The following IPO7 variants were observed in gnomAD, a reference collection of about 807,000 sequenced individuals.
The protein encoded by IPO7 is importin 7.
IPO7 carries 13 observed loss-of-function variants against 136.4 expected under a neutral mutation model. The observed-to-expected ratio is 0.10, with a 90% CI of 0.06 to 0.15. The LOEUF (loss-of-function observed/expected upper bound fraction) is 0.15, where lower values mean the gene tolerates loss of function less well. IPO7 is among the 10% of genes least tolerant of loss of function. The probability of loss-of-function intolerance (pLI) is 1.00; values close to 1 mark genes in which losing one functional copy is unlikely to be tolerated. For missense variants in IPO7, 857 were observed against 1,240.6 expected, an observed-to-expected ratio of 0.69 and a Z score of 4.65; for synonymous variants, 403 against 404.4, an observed-to-expected ratio of 1.00 and a Z score of 0.04.
At chr11:9,420,758 T>C in intron 8 of IPO7, 60 bp downstream of exon 8, 3 of 1,135,718 alleles carry the variant, frequency 2.6e-6, no homozygotes, top group Non-Finnish European at 4.0e-6. Flanking sequence ...AATTTATATA[T>C]TGCTTATTCC....
At chr11:9,412,668 CAAAA>C (rs1450861463) in intron 4 of IPO7, among the ~76,000 whole-genome samples, 1 of 151,822 alleles carries the variant, frequency 6.6e-6, no homozygotes, top group African/African-American at 2.4e-5. Context: ...TCTCTACAGA[CAAAA>C]AAGAAAGTAA....
rs760463769 is a variant in IPO7, at chr11:9,394,166, C to T, written c.85-9124C>T. 3.9e-5 allele frequency among the ~76,000 whole-genome samples: 6 copies of T among 152,246 alleles called. No individual in the cohort carries two copies. The East Asian group carries it at 9.6e-4, about 24-fold the overall frequency. ...TGCTGGGATTGCAGGCGTGAACCAT[C>T]GCCCCCAGCCTTTTAATTTTTAAAA... On this transcript the variant is annotated intron_variant, in intron 1 of 24. Coordinates refer to ENST00000379719, the MANE Select transcript of IPO7 (RefSeq NM_006391.3).
intron 10 of IPO7, among the ~76,000 whole-genome samples, chr11:9,424,445 A>T (rs1855175123): frequency 6.6e-6 from 1 of 152,182 alleles, no homozygotes; most frequent in Non-Finnish European, 1.5e-5. Flanking sequence ...TCATGGATTA[A>T]CATTTAATTT....
At chr11:9,429,577 T>C (rs1203459289) in intron 14 of IPO7, 97 bp from the exon 15 acceptor site, 1 of 875,860 alleles carries the variant, frequency 1.1e-6, no homozygotes, top group Admixed American at 3.1e-5. Context: ...CCTTTTTATG[T>C]GAAAGTACTT....
intron 24 of IPO7, among the ~76,000 whole-genome samples, chr11:9,444,239 C>T (rs111510871): frequency 6.2e-4 from 94 of 150,666 alleles, no homozygotes; most frequent in African/African-American, 2.1e-3. Context: ...CATTGCGCCA[C>T]TGCACTCCAG....
rs571118982 is a variant in IPO7 at position 9,409,909 on chromosome 11, G to GT, written c.321-10dup. The stretch of plus-strand genomic sequence containing the variant: ...ACCTAGTTAGGATTTTTTCCTTACT[G>GT]TTTTTTTTTGGCTTCCAGGGTACAG... On this transcript the variant is annotated intron_variant, in intron 3 of 24. Coordinates refer to ENST00000379719, the MANE Select transcript of IPO7 (RefSeq NM_006391.3). 1.3e-3 allele frequency: 1,854 copies of GT among 1,438,522 alleles called. 1 individual carries two copies. Among genetic ancestry groups the GT allele is most frequent in the Middle Eastern group, 4.3e-3 (21 of 4,932 alleles). 89.1% of individuals were successfully genotyped at this position (1,438,522 alleles called of 1,614,324 possible).
At chr11:9,407,822 C>T (rs1337325606) in intron 2 of IPO7, among the ~76,000 whole-genome samples, 2 of 152,198 alleles carry the variant, frequency 1.3e-5, no homozygotes, top group East Asian at 1.9e-4. Context: ...CTCCCCCACT[C>T]TCTGAAAGTG....
At chr11:9,410,932 T>A (rs1259174507) in intron 4 of IPO7, among the ~76,000 whole-genome samples, 1 of 152,180 alleles carries the variant, frequency 6.6e-6, no homozygotes, top group Non-Finnish European at 1.5e-5. Flanking sequence ...AATACCCTCT[T>A]TGGGTCCCAT....
intron 1 of IPO7, among the ~76,000 whole-genome samples, chr11:9,397,341 A>AAAAAAAAAAAAAAAAATATAT: frequency 3.7e-4 from 4 of 10,758 alleles, no homozygotes; most frequent in African/African-American, 5.0e-4. Flanking sequence ...TTTAAAAAAA[A>AAAAAAAAAAAAAAAAATATAT]ATATATATAT....
rs147603297 is a variant in IPO7, at chr11:9,443,322, G to A, written c.3019+1125G>A. Among the ~76,000 whole-genome samples the A allele has an allele frequency of 3.5e-3, 538 of 152,292 alleles. 4 individuals carry two copies. Among genetic ancestry groups the A allele is most frequent in the African/African-American group, 0.013 (523 of 41,550 alleles). ...AATGTAAACACCTAAGCCGGGCGCAGTGGCTCACACCTGTAATCCCAGCAC... is the reference window on the plus strand; with the variant it reads ...AATGTAAACACCTAAGCCGGGCGCAATGGCTCACACCTGTAATCCCAGCAC... On this transcript the variant is annotated intron_variant, in intron 24 of 24. Transcript: ENST00000379719.
At position 9,434,150 on chromosome 11, in the gene IPO7, C is replaced by T. The variant is rs185980076; in HGVS notation, c.2074+304C>T. ...GTTGGTCAGACTGGTCTCGAACTCC[C>T]GACCTGAGGTGATCCGCCCACCTCA... On this transcript the variant is annotated intron_variant, in intron 18 of 24. Transcript: ENST00000379719. 2.6e-3 allele frequency among the ~76,000 whole-genome samples: 398 copies of T among 151,816 alleles called. 2 individuals are homozygous for T. Among genetic ancestry groups the T allele is most frequent in the Non-Finnish European group, 3.8e-3 (259 of 67,906 alleles).
At chr11:9,424,598 G>A (rs1590444101) in intron 10 of IPO7, among the ~76,000 whole-genome samples, 1 of 152,038 alleles carries the variant, frequency 6.6e-6, no homozygotes, top group African/African-American at 2.4e-5. Flanking sequence ...ACAAAAATTA[G>A]CCGGGCGTGG....
intron 23 of IPO7, among the ~76,000 whole-genome samples, chr11:9,441,818 A>G (rs1205463434): frequency 6.6e-6 from 1 of 152,234 alleles, no homozygotes; most frequent in Non-Finnish European, 1.5e-5. Context: ...TATAAGAACT[A>G]GTTAGGCTGA....
At chr11:9,425,983 C>T (rs1357879539) in intron 12 of IPO7, among the ~76,000 whole-genome samples, 1 of 151,770 alleles carries the variant, frequency 6.6e-6, no homozygotes, top group Non-Finnish European at 1.5e-5. Flanking sequence ...GAGGCGGAGG[C>T]TGCAGTGAGC....
At chr11:9,420,334 T>G (rs1355108601) in intron 6 of IPO7, 77 bp from the exon 7 acceptor site, 1 of 925,724 alleles carries the variant, frequency 1.1e-6, no homozygotes, top group African/African-American at 1.7e-5. Flanking sequence ...ATTCACATTT[T>G]TGTCAATCTA....
chr11:9,396,183 G>A (rs896033730), intron 1 of IPO7, among the ~76,000 whole-genome samples: 2 of 151,966 alleles, frequency 1.3e-5, no homozygotes, highest in Non-Finnish European at 2.9e-5. Flanking sequence ...ACCACTTGAG[G>A]TCAGGAGTTG....
intron 3 of IPO7, 65 bp downstream of exon 3, chr11:9,408,704 G>GTTTTTTTTTTTTTTT (rs377057603): frequency 1.2e-4 from 20 of 173,324 alleles, no homozygotes; most frequent in Non-Finnish European, 1.7e-4. Flanking sequence ...TTGTTTTTTG[G>GTTTTTTTTTTTTTTT]TTTTTTTTTT....
chr11:9,405,367 G>A (rs1356848274), intron 2 of IPO7, among the ~76,000 whole-genome samples: 1 of 151,996 alleles, frequency 6.6e-6, no homozygotes, highest in African/African-American at 2.4e-5. Context: ...GTAGAGATGG[G>A]GTTTCACCGT....
At chr11:9,433,908 T>C in intron 18 of IPO7, 62 bp downstream of exon 18, 1 of 1,455,484 alleles carries the variant, frequency 6.9e-7, no homozygotes. Flanking sequence ...TTGTAGCTTA[T>C]CATTTGAACA....
Sources: gnomAD v4.1 joint callset for allele counts (sites outside exome capture counted in the v4.1 genomes callset) on GRCh38, gnomAD v4.1.1 for gene constraint, MANE v1.5 for transcripts, NCBI Gene and HGNC (gene_info 2026-07-23, HGNC 2026-07-21) for gene names.